The following PLEKHG1 variants were observed in gnomAD, a reference collection of about 807,000 sequenced individuals.
PLEKHG1 encodes pleckstrin homology domain-containing family G member 1.
Under a neutral mutation model 100.8 loss-of-function variants are expected in PLEKHG1, and 44 were observed. The ratio of observed to expected loss-of-function variants is 0.44; its 90% CI spans 0.34 to 0.56. The LOEUF is 0.56. Among genes scored for constraint, PLEKHG1 ranks in the 20% least tolerant of loss-of-function variants. The pLI, the probability that PLEKHG1 is intolerant of heterozygous loss-of-function variation, is 0.01. For missense variants in PLEKHG1, 1,545 were observed against 1,720.9 expected (o/e 0.90, Z 1.81); for synonymous variants, 640 against 662.5 (o/e 0.97, Z 0.52).
chr6:150,754,881 G>A (rs1301915433), intron 2 of PLEKHG1, among the ~76,000 whole-genome samples: 1 of 152,074 alleles, frequency 6.6e-6, no homozygotes, highest in Non-Finnish European at 1.5e-5. Flanking sequence ...TGCTGGTCGG[G>A]CTAGTCTCAA....
chr6:150,625,037 G>T (rs1240510523), intron 1 of PLEKHG1: 1 of 151,922 alleles, frequency 6.6e-6, no homozygotes, highest in Non-Finnish European at 1.5e-5. Context: ...TTAAAAATAT[G>T]AAAATTAGCC....
intron 2 of PLEKHG1, among the ~76,000 whole-genome samples, chr6:150,737,496 G>A (rs926414947): frequency 6.6e-6 from 1 of 151,906 alleles, no homozygotes; most frequent in African/African-American, 2.4e-5. Flanking sequence ...GTTTCACCTT[G>A]TTAGCCAGGA....
At chr6:150,759,097 C>T (rs990174155) in intron 2 of PLEKHG1, among the ~76,000 whole-genome samples, 4 of 152,086 alleles carry the variant, frequency 2.6e-5, no homozygotes, top group Non-Finnish European at 5.9e-5. Context: ...AGTGGCCCAC[C>T]GTGTGGTGGC....
intron 1 of PLEKHG1, among the ~76,000 whole-genome samples, chr6:150,636,294 A>T (rs542905459): frequency 0.081 from 7,423 of 91,478 alleles, 442 homozygotes; most frequent in African/African-American, 0.18. Context: ...ACTTTTTTTA[A>T]AAAAAAAAGC....
chr6:150,694,868 A>C (rs1044825580), intron 3 of PLEKHG1, among the ~76,000 whole-genome samples: 1 of 152,158 alleles, frequency 6.6e-6, no homozygotes. Flanking sequence ...TGTAGTTCTT[A>C]GTAGCTGGAG....
chr6:150,781,264 G>A (rs1296610857), intron 3 of PLEKHG1, among the ~76,000 whole-genome samples: 1 of 151,224 alleles, frequency 6.6e-6, no homozygotes. Context: ...CAGCACTTTG[G>A]GAGGCCAAGG....
At chr6:150,777,311 C>A (rs1785035795) in intron 3 of PLEKHG1, among the ~76,000 whole-genome samples, 1 of 150,174 alleles carries the variant, frequency 6.7e-6, no homozygotes, top group Non-Finnish European at 1.5e-5. Flanking sequence ...TCCTGGTGCA[C>A]ATGTGCAGTT....
chr6:150,773,458 C>T (rs57330180), intron 3 of PLEKHG1, among the ~76,000 whole-genome samples: 1 of 152,164 alleles, frequency 6.6e-6, no homozygotes, highest in Non-Finnish European at 1.5e-5. Context: ...TGCTTGAGCC[C>T]GGGAGGCAGA....
chr6:150,651,851 T>A (rs1778759314), intron 3 of PLEKHG1: 1 of 151,244 alleles, frequency 6.6e-6, no homozygotes, highest in Admixed American at 6.6e-5. Flanking sequence ...AGAGTAAGAC[T>A]CTCTCTCAAA....
chr6:150,714,327 T>C (rs1462646736), intron 3 of PLEKHG1, among the ~76,000 whole-genome samples: 2 of 152,214 alleles, frequency 1.3e-5, no homozygotes, highest in Non-Finnish European at 2.9e-5. Flanking sequence ...AAAAACCAAG[T>C]ATCCTAATCA....
intron 4 of PLEKHG1, 116 bp from the exon 6 acceptor site, chr6:150,795,740 C>CATAT (rs34933769): frequency 1.3e-4 from 52 of 411,368 alleles, no homozygotes; most frequent in South Asian, 2.4e-4. Context: ...AAACAAAAAA[C>CATAT]ATATATATAT....
intron 4 of PLEKHG1, among the ~76,000 whole-genome samples, chr6:150,790,228 T>C (rs1181098664): frequency 6.6e-6 from 1 of 152,170 alleles, no homozygotes; most frequent in Admixed American, 6.5e-5. Flanking sequence ...GGTTTCTCCA[T>C]GTTGGTCAGG....
At chr6:150,805,126 G>C (rs1786986321) in intron 7 of PLEKHG1, among the ~76,000 whole-genome samples, 1 of 151,718 alleles carries the variant, frequency 6.6e-6, no homozygotes, top group Non-Finnish European at 1.5e-5. Flanking sequence ...GTAGAGACAG[G>C]GTTTCTCCAT....
chr6:150,634,656 A>G (rs1777914370), intron 1 of PLEKHG1, among the ~76,000 whole-genome samples: 1 of 152,262 alleles, frequency 6.6e-6, no homozygotes, highest in African/African-American at 2.4e-5. Context: ...GTTTAAATTC[A>G]GACATATGGA....
intron 2 of PLEKHG1, among the ~76,000 whole-genome samples, chr6:150,755,950 A>G (rs1446564877): frequency 6.6e-6 from 1 of 152,178 alleles, no homozygotes; most frequent in East Asian, 1.9e-4. Flanking sequence ...TGCATTTACT[A>G]CAAGAAAAAG....
At chr6:150,638,504 TC>T (rs1344867148) in intron 2 of PLEKHG1, among the ~76,000 whole-genome samples, 1 of 152,138 alleles carries the variant, frequency 6.6e-6, no homozygotes, top group Non-Finnish European at 1.5e-5. Flanking sequence ...TCATTGCCCC[TC>T]CCTCTCTTGC....
intron 8 of PLEKHG1, 32 bp from the exon 10 acceptor site, chr6:150,809,349 G>A: frequency 6.2e-7 from 1 of 1,611,172 alleles, no homozygotes; most frequent in Non-Finnish European, 8.5e-7. Context: ...CCTCCTGAGT[G>A]TGCCTCACCC....
chr6:150,679,290 C>A (rs1779860148), intron 3 of PLEKHG1, among the ~76,000 whole-genome samples: 1 of 152,032 alleles, frequency 6.6e-6, no homozygotes, highest in Non-Finnish European at 1.5e-5. Context: ...ATATTAAGCT[C>A]CAAAGAGATA....
chr6:150,779,346 T>TTTTTTTTTTTTG (rs1583111845), intron 3 of PLEKHG1, among the ~76,000 whole-genome samples: 1 of 134,486 alleles, frequency 7.4e-6, no homozygotes, highest in African/African-American at 3.0e-5. Flanking sequence ...GTCAAGAAGT[T>TTTTTTTTTTTTG]TTTTTTTTTT....
Sources: allele counts gnomAD v4.1 joint callset (sites outside exome capture counted in the v4.1 genomes callset), GRCh38; gene constraint gnomAD v4.1.1; transcripts MANE v1.5; gene names NCBI Gene and HGNC (gene_info 2026-07-23, HGNC 2026-07-21).